Variants in ZNF487 observed in about 807,000 individuals in gnomAD.
ZNF487 encodes KRAB domain only 1.
A neutral mutation model predicts 3.0 loss-of-function variants in ZNF487; 4 were observed. That is an observed-to-expected ratio of 1.35 (90% CI 0.66 to 3.08). The LOEUF is 3.08. Among genes scored for constraint, ZNF487 ranks in the 30% most tolerant of loss-of-function variants. ZNF487 has a pLI of 0.01. For missense variants in ZNF487, 146 were observed against 98.7 expected, an observed-to-expected ratio of 1.48 and a Z score of -2.03; for synonymous variants, 55 against 34.6, an observed-to-expected ratio of 1.59 and a Z score of -2.06.
chr10:43,495,203 C>CT, the ZNF487 span, among the ~76,000 whole-genome samples: 6,476 of 121,382 alleles, frequency 0.053, 211 homozygotes, highest in Middle Eastern at 0.087. Context: ...TGTCCCCAGG[C>CT]TTTTTTTTTT....
chr10:43,440,302 G>A (rs113787130), intron 1 of ZNF487, among the ~76,000 whole-genome samples: 122 of 151,536 alleles, frequency 8.1e-4, no homozygotes, highest in African/African-American at 2.6e-3. Flanking sequence ...CGCCCGCCTC[G>A]GCCTCCCAAA....
intron 3 of ZNF487, among the ~76,000 whole-genome samples, chr10:43,480,821 G>A (rs1445586872): frequency 1.3e-5 from 2 of 152,072 alleles, no homozygotes; most frequent in South Asian, 2.1e-4. Context: ...TTGACAAGAG[G>A]AAGACTCTTC....
At chr10:43,451,004 A>G (rs1015975876) in intron 1 of ZNF487, among the ~76,000 whole-genome samples, 4 of 151,886 alleles carry the variant, frequency 2.6e-5, no homozygotes, top group African/African-American at 7.3e-5. Context: ...CTGGAGTGCA[A>G]TGGCGCGATC....
intron 1 of ZNF487, among the ~76,000 whole-genome samples, chr10:43,442,152 C>T (rs1437477164): frequency 1.3e-5 from 2 of 151,986 alleles, no homozygotes; most frequent in Non-Finnish European, 2.9e-5. Flanking sequence ...TTTGCTTGAG[C>T]TCAGACGTTT....
At position 43,437,235 on chromosome 10, in the gene ZNF487, G is replaced by T. The variant is rs1461714790; in HGVS notation, c.-121G>T. On this transcript the variant is annotated 5_prime_UTR_variant, in exon 1 of 4. In the 5' UTR this introduces an upstream ATG that the reference lacks. Transcript: ENST00000437590. Reference sequence around the variant, plus strand: ...GACCGCCGAGGTGCGGGCTGTGAGAGGGGGAGCGTGGAGCCTCCGAGGCCG... The same window carrying T: ...GACCGCCGAGGTGCGGGCTGTGAGATGGGGAGCGTGGAGCCTCCGAGGCCG... The T allele has an allele frequency of 4.3e-6, 1 of 235,166 alleles. No individual in the cohort carries two copies. The highest frequency in any genetic ancestry group is 3.7e-5 in the South Asian group (1 of 26,732). The allele number at this position is 235,166 out of a possible 1,614,324, so 14.6% of individuals were successfully genotyped here. A position where few individuals can be genotyped will look rare whatever the true frequency, so the allele number is the denominator to read the frequency against.
At chr10:43,503,928 AT>A in the ZNF487 span, among the ~76,000 whole-genome samples, 1 of 152,034 alleles carries the variant, frequency 6.6e-6, no homozygotes, top group African/African-American at 2.4e-5. Context: ...TTCACGCTGT[AT>A]ACTTACTATG....
At chr10:43,479,128 T>C (rs1841217164) in intron 3 of ZNF487, among the ~76,000 whole-genome samples, 1 of 10,930 alleles carries the variant, frequency 9.1e-5, no homozygotes, top group Non-Finnish European at 5.3e-4. Context: ...TATGTGTGTA[T>C]ATATATATAT....
chr10:43,470,510 A>C (rs1840866795), intron 1 of ZNF487, among the ~76,000 whole-genome samples: 1 of 152,104 alleles, frequency 6.6e-6, no homozygotes, highest in South Asian at 2.1e-4. Flanking sequence ...CAGCCTCCCA[A>C]GTACCTGGGA....
chr10:43,473,201 G>C (rs1454500320), intron 1 of ZNF487, among the ~76,000 whole-genome samples: 1 of 149,972 alleles, frequency 6.7e-6, no homozygotes, highest in Non-Finnish European at 1.5e-5. Flanking sequence ...TCTGCCTCCC[G>C]GGTTCAAGCA....
the ZNF487 span, among the ~76,000 whole-genome samples, chr10:43,506,535 C>T: frequency 6.6e-6 from 1 of 152,024 alleles, no homozygotes; most frequent in Non-Finnish European, 1.5e-5. Context: ...AAATAAATTC[C>T]AGGCACAGTT....
At chr10:43,508,689 C>G in the ZNF487 span, among the ~76,000 whole-genome samples, 1 of 151,746 alleles carries the variant, frequency 6.6e-6, no homozygotes, top group African/African-American at 2.4e-5. Flanking sequence ...AACAAACAAA[C>G]AAAAAAACTA....
chr10:43,461,297 A>C (rs527674089), intron 1 of ZNF487, among the ~76,000 whole-genome samples: 3 of 138,796 alleles, frequency 2.2e-5, no homozygotes, highest in Non-Finnish European at 3.1e-5. Flanking sequence ...GTGAGCCAAC[A>C]TGCCCGGCCC....
chr10:43,449,429 A>G (rs1440363622), intron 1 of ZNF487, among the ~76,000 whole-genome samples: 2 of 152,304 alleles, frequency 1.3e-5, no homozygotes, highest in South Asian at 2.1e-4. Flanking sequence ...TGATGCATAT[A>G]TTATTATTCA....
intron 1 of ZNF487, among the ~76,000 whole-genome samples, chr10:43,469,943 C>CG (rs954288775): frequency 1.3e-5 from 2 of 150,096 alleles, no homozygotes; most frequent in African/African-American, 5.0e-5. Context: ...GAGCGAGACT[C>CG]TGTCTTCCAA....
chr10:43,440,326 A>G (rs553261317), intron 1 of ZNF487, among the ~76,000 whole-genome samples: 7 of 151,658 alleles, frequency 4.6e-5, no homozygotes, highest in Non-Finnish European at 1.0e-4. Flanking sequence ...CTGGGATTAC[A>G]GGTGTGAACC....
intron 3 of ZNF487, among the ~76,000 whole-genome samples, chr10:43,477,205 C>CT (rs1174769570): frequency 1.1e-3 from 159 of 140,814 alleles, no homozygotes; most frequent in East Asian, 2.1e-3. Flanking sequence ...TTCTTTATTT[C>CT]TTTTTTTTTT....
intron 1 of ZNF487, among the ~76,000 whole-genome samples, chr10:43,456,458 G>A (rs1203894687): frequency 2.0e-5 from 3 of 152,212 alleles, no homozygotes; most frequent in African/African-American, 7.2e-5. Flanking sequence ...TTTTGCTCCA[G>A]CTGTCAGAGA....
the ZNF487 span, among the ~76,000 whole-genome samples, chr10:43,518,406 G>C: frequency 6.6e-6 from 1 of 152,096 alleles, no homozygotes; most frequent in African/African-American, 2.4e-5. Context: ...TGTCCCCTAG[G>C]TATAGCACTT....
At chr10:43,501,349 A>G in the ZNF487 span, among the ~76,000 whole-genome samples, 12,165 of 152,256 alleles carry the variant, frequency 0.08, 856 homozygotes, top group African/African-American at 0.18. Context: ...TAGGCTTTAT[A>G]AACACTGTAC....
Sources: gnomAD v4.1 joint callset for allele counts (sites outside exome capture counted in the v4.1 genomes callset) on GRCh38, gnomAD v4.1.1 for gene constraint, MANE v1.5 for transcripts, NCBI Gene and HGNC (gene_info 2026-07-23, HGNC 2026-07-21) for gene names.